The following SUGCT variants were observed in gnomAD, a reference collection of about 807,000 sequenced individuals.
The protein encoded by SUGCT is succinyl-CoA:glutarate CoA-transferase.
A neutral mutation model predicts 55.0 loss-of-function variants in SUGCT; 41 were observed. The ratio of observed to expected loss-of-function variants is 0.74; its 90% CI spans 0.58 to 0.97. SUGCT has a LOEUF of 0.97. Among genes scored for constraint, SUGCT ranks in the 50% least tolerant of loss-of-function variants. SUGCT has a pLI of 0.00. For missense variants in SUGCT, 568 were observed against 547.8 expected (o/e 1.04, Z -0.37); for synonymous variants, 187 against 200.4 (o/e 0.93, Z 0.56).
At chr7:40,321,410 T>C (rs1795739621) in intron 9 of SUGCT, among the ~76,000 whole-genome samples, 1 of 141,130 alleles carries the variant, frequency 7.1e-6, no homozygotes, top group Non-Finnish European at 1.5e-5. Flanking sequence ...TTTGACAGAG[T>C]CTTGCTCTGT....
chr7:40,747,132 A>T (rs965414976), intron 12 of SUGCT, among the ~76,000 whole-genome samples: 9 of 152,172 alleles, frequency 5.9e-5, no homozygotes, highest in Non-Finnish European at 8.8e-5. Context: ...CGAGAATTTT[A>T]TCTGGCCAGC....
intron 12 of SUGCT, among the ~76,000 whole-genome samples, chr7:40,675,336 G>A (rs1783916481): frequency 6.6e-6 from 1 of 152,196 alleles, no homozygotes; most frequent in South Asian, 2.1e-4. Flanking sequence ...TGGGGTTACA[G>A]GCGTGAGTCA....
rs181440767 is a variant in SUGCT at position 40,730,227 on chromosome 7, C to T, written c.1090-19207C>T. ...GGTTCAAGTGATCCTCCTGCCTCAG[C>T]CTCCTGAGTACCTGAGATTACAGGC... On this transcript the variant is annotated intron_variant, in intron 12 of 13. Transcript: ENST00000335693. 2.5e-3 allele frequency among the ~76,000 whole-genome samples: 380 copies of T among 152,298 alleles called. 1 individual carries two copies. Among genetic ancestry groups the T allele is most frequent in the Non-Finnish European group, 3.9e-3 (267 of 68,034 alleles).
intron 9 of SUGCT, among the ~76,000 whole-genome samples, chr7:40,335,469 T>A (rs918781968): frequency 3.3e-5 from 5 of 151,960 alleles, no homozygotes; most frequent in Non-Finnish European, 5.9e-5. Flanking sequence ...TTCACATCCC[T>A]TGTAAGTTGG....
At chr7:40,617,219 C>T (rs1287347100) in intron 12 of SUGCT, among the ~76,000 whole-genome samples, 1 of 152,000 alleles carries the variant, frequency 6.6e-6, no homozygotes, top group Non-Finnish European at 1.5e-5. Flanking sequence ...TAGCTGAAAA[C>T]CTTTGTCATA....
intron 12 of SUGCT, among the ~76,000 whole-genome samples, chr7:40,616,158 A>C (rs182270692): frequency 6.6e-6 from 1 of 152,086 alleles, no homozygotes; most frequent in Non-Finnish European, 1.5e-5. Flanking sequence ...TTTCTTCTTT[A>C]TTCTTTGAAG....
the SUGCT span, among the ~76,000 whole-genome samples, chr7:40,865,886 C>T: frequency 1.3e-5 from 2 of 152,168 alleles, no homozygotes; most frequent in African/African-American, 2.4e-5. Context: ...CTCATGTTCC[C>T]TTTGCTTTCT....
the SUGCT span, among the ~76,000 whole-genome samples, chr7:41,025,069 T>C: frequency 3.9e-5 from 6 of 152,178 alleles, no homozygotes; most frequent in African/African-American, 1.2e-4. Context: ...TTATATAATT[T>C]TGGTAAATTG....
At chr7:40,943,397 A>T in the SUGCT span, among the ~76,000 whole-genome samples, 1 of 146,920 alleles carries the variant, frequency 6.8e-6, no homozygotes, top group African/African-American at 2.5e-5. Flanking sequence ...GTCATTTAGC[A>T]TTAGGTATAT....
At chr7:40,892,913 T>C in the SUGCT span, among the ~76,000 whole-genome samples, 2 of 152,128 alleles carry the variant, frequency 1.3e-5, no homozygotes, top group Non-Finnish European at 2.9e-5. Context: ...CTATATGCTG[T>C]CTACAAGAAA....
In SUGCT at chr7:40,860,364, C is replaced by A. The variant is rs751805172; in HGVS notation, c.1202C>A (p.Pro401His). ...SKFKMSEARP[P>H]PLLGQHTTHI... Reference sequence around the variant, plus strand: ...TTCAAGATGTCAGAGGCCAGGCCGCCCCCGCTGCTCGGGCAGCACACAACG... The same window carrying A: ...TTCAAGATGTCAGAGGCCAGGCCGCACCCGCTGCTCGGGCAGCACACAACG... The change falls in exon 14 of 14, where the codon CCC (proline) becomes CAC (histidine). Residue 401 changes from proline (P) to histidine (H), a missense_variant. Transcript: ENST00000335693. 26 of 1,613,904 alleles carry A rather than the reference C, an allele frequency of 1.6e-5. No individual in the cohort carries two copies. Among genetic ancestry groups the A allele is most frequent in the Admixed American group, 6.7e-5 (4 of 60,014 alleles).
chr7:40,438,414 A>G (rs1788290374), intron 9 of SUGCT, among the ~76,000 whole-genome samples: 1 of 152,168 alleles, frequency 6.6e-6, no homozygotes, highest in South Asian at 2.1e-4. Flanking sequence ...TCAGTCTTGT[A>G]AAAGATCTCC....
chr7:40,439,974 C>G (rs1788414958), intron 9 of SUGCT, among the ~76,000 whole-genome samples: 1 of 152,060 alleles, frequency 6.6e-6, no homozygotes, highest in Non-Finnish European at 1.5e-5. Flanking sequence ...ATCTTACGCT[C>G]TGAGTACTTC....
chr7:40,294,549 A>G (rs1793998108), intron 8 of SUGCT, among the ~76,000 whole-genome samples: 1 of 151,994 alleles, frequency 6.6e-6, no homozygotes, highest in Non-Finnish European at 1.5e-5. Context: ...GATGATGAAG[A>G]TGATGATGAT....
At chr7:40,736,698 AC>A (rs1256961219) in intron 12 of SUGCT, among the ~76,000 whole-genome samples, 6 of 152,130 alleles carry the variant, frequency 3.9e-5, no homozygotes, top group Admixed American at 1.3e-4. Flanking sequence ...CAGTATACCA[AC>A]AGAAGGTTAA....
At chr7:40,887,221 A>C in the SUGCT span, among the ~76,000 whole-genome samples, 2 of 152,216 alleles carry the variant, frequency 1.3e-5, no homozygotes, top group East Asian at 3.9e-4. Flanking sequence ...AATATTTCTA[A>C]ATAAAATGGG....
At chr7:40,611,529 G>A (rs1167744656) in intron 12 of SUGCT, among the ~76,000 whole-genome samples, 1 of 151,878 alleles carries the variant, frequency 6.6e-6, no homozygotes, top group Non-Finnish European at 1.5e-5. Context: ...TAAATCAAAT[G>A]TGATCTCTAC....
At chr7:40,692,474 C>T (rs980123143) in intron 12 of SUGCT, among the ~76,000 whole-genome samples, 2 of 152,000 alleles carry the variant, frequency 1.3e-5, no homozygotes, top group East Asian at 1.9e-4. Context: ...TTTGGACTTC[C>T]GTGGTACAGC....
intron 12 of SUGCT, among the ~76,000 whole-genome samples, chr7:40,539,969 A>G (rs1367734465): frequency 6.6e-6 from 1 of 152,222 alleles, no homozygotes; most frequent in Non-Finnish European, 1.5e-5. Context: ...AGATAACATT[A>G]TCCCTATATA....
Sources: gnomAD v4.1 joint callset for allele counts (sites outside exome capture counted in the v4.1 genomes callset) on GRCh38, gnomAD v4.1.1 for gene constraint, MANE v1.5 for transcripts, NCBI Gene and HGNC (gene_info 2026-07-23, HGNC 2026-07-21) for gene names.